The following KCNK10 variants were observed in gnomAD, a reference collection of about 807,000 sequenced individuals.
The protein encoded by KCNK10 is potassium channel subfamily K member 10.
Under a neutral mutation model 47.7 loss-of-function variants are expected in KCNK10, and 25 were observed. The observed-to-expected ratio is 0.52, with a 90% CI of 0.38 to 0.73. KCNK10 has a LOEUF of 0.73. Ranked by LOEUF, KCNK10 falls within the 30% of genes least tolerant of loss-of-function variation. The pLI is 0.00. For synonymous variants in KCNK10, 303 were observed against 285.6 expected (o/e 1.06, Z -0.61); for missense variants, 563 against 714.5 (o/e 0.79, Z 2.42).
intron 3 of KCNK10, among the ~76,000 whole-genome samples, chr14:88,228,211 T>A (rs1240724877): frequency 6.6e-6 from 1 of 152,186 alleles, no homozygotes; most frequent in Non-Finnish European, 1.5e-5. Context: ...CCTCTTGCAT[T>A]GAGGGTAATA....
At chr14:88,302,647 T>C (rs1888126664) in intron 1 of KCNK10, among the ~76,000 whole-genome samples, 2 of 152,054 alleles carry the variant, frequency 1.3e-5, no homozygotes, top group African/African-American at 2.4e-5. Flanking sequence ...GAGGCAGAGG[T>C]TGCAGTGAAT....
At chr14:88,267,179 C>T (rs772146353) in intron 1 of KCNK10, among the ~76,000 whole-genome samples, 44 of 152,274 alleles carry the variant, frequency 2.9e-4, no homozygotes, top group Non-Finnish European at 2.8e-4. Flanking sequence ...AGCAAATGAG[C>T]AGCCCTGGTC....
intron 4 of KCNK10, among the ~76,000 whole-genome samples, chr14:88,197,805 C>T (rs1884967365): frequency 1.5e-5 from 2 of 135,620 alleles, no homozygotes; most frequent in African/African-American, 5.7e-5. Flanking sequence ...CATGGCAGTT[C>T]GAGGGAAGGA....
chr14:88,314,102 G>A (rs1888380645), intron 1 of KCNK10, among the ~76,000 whole-genome samples: 1 of 152,216 alleles, frequency 6.6e-6, no homozygotes, highest in Non-Finnish European at 1.5e-5. Flanking sequence ...AAGGTTAGGT[G>A]ACTTGGCCAA....
chr14:88,215,555 T>C (rs1885592290), intron 4 of KCNK10, among the ~76,000 whole-genome samples: 1 of 152,200 alleles, frequency 6.6e-6, no homozygotes, highest in Admixed American at 6.5e-5. Context: ...CAGTGACTTA[T>C]ATCTAGGCTT....
intron 1 of KCNK10, among the ~76,000 whole-genome samples, chr14:88,304,594 G>A (rs376200125): frequency 1.3e-5 from 2 of 152,168 alleles, no homozygotes; most frequent in African/African-American, 2.4e-5. Context: ...TTGTTCGAGC[G>A]CTCATGCTGT....
At chr14:88,258,285 TGA>T (rs1442842689) in intron 2 of KCNK10, among the ~76,000 whole-genome samples, 2 of 150,156 alleles carry the variant, frequency 1.3e-5, no homozygotes, top group South Asian at 4.2e-4. Flanking sequence ...TTGCTTATGG[TGA>T]GTCTTTTTTT....
At chr14:88,241,183 G>C (rs995387358) in intron 2 of KCNK10, among the ~76,000 whole-genome samples, 1 of 152,230 alleles carries the variant, frequency 6.6e-6, no homozygotes, top group African/African-American at 2.4e-5. Flanking sequence ...TTTCCGCAAG[G>C]CAGGATTTTG....
At chr14:88,235,381 G>A in intron 3 of KCNK10, 1 of 368,364 alleles carries the variant, frequency 2.7e-6, no homozygotes. Flanking sequence ...TGGATGGAAA[G>A]AGGCTCACCA....
intron 3 of KCNK10, among the ~76,000 whole-genome samples, chr14:88,234,017 C>A (rs762178366): frequency 6.6e-6 from 1 of 152,216 alleles, no homozygotes; most frequent in Middle Eastern, 3.2e-3. Flanking sequence ...GATCCTCCTA[C>A]AATGCGTGAC....
rs568680701 is a variant in KCNK10, at chr14:88,185,309, A to C, written c.*226T>G. 175 of 590,884 alleles carry C rather than the reference A, an allele frequency of 3.0e-4. No homozygotes were observed. The highest frequency in any genetic ancestry group is 2.1e-3 in the East Asian group (62 of 30,194). The allele number at this position is 590,884 out of a possible 1,614,324, so 36.6% of individuals were successfully genotyped here. A position where few individuals can be genotyped will look rare whatever the true frequency, so the allele number is the denominator to read the frequency against. On this transcript the variant is annotated 3_prime_UTR_variant, in exon 7 of 7. Transcript: ENST00000319231. This position sits in a 1 kb window ranked among gnomAD's most constrained non-coding sequence, Gnocchi z 4.3. ...CGGCCAGAACCGGCTACGTGCACGG[A>C]CACTCTTGGTGTGTCCTGCGTTTGC...
At chr14:88,320,330 CTG>C (rs1888520123) in intron 1 of KCNK10, among the ~76,000 whole-genome samples, 1 of 152,144 alleles carries the variant, frequency 6.6e-6, no homozygotes, top group Admixed American at 6.5e-5. Context: ...CTTTTCTTCA[CTG>C]TGTCAGGCTG....
At chr14:88,305,343 T>C (rs1888183814) in intron 1 of KCNK10, among the ~76,000 whole-genome samples, 1 of 152,188 alleles carries the variant, frequency 6.6e-6, no homozygotes, top group African/African-American at 2.4e-5. Context: ...AGAATTACCA[T>C]AAATGATGAG....
chr14:88,188,442 T>C (rs1441481577), intron 5 of KCNK10, among the ~76,000 whole-genome samples: 1 of 152,234 alleles, frequency 6.6e-6, no homozygotes, highest in Non-Finnish European at 1.5e-5. Flanking sequence ...AGATCAGGCC[T>C]GGTTGTCATT....
chr14:88,227,382 A>C lies in KCNK10; in HGVS notation c.674T>G (p.Val225Gly). 6.2e-7 allele frequency: 1 copy of C among 1,609,410 alleles called. No individual in the cohort carries two copies. The highest frequency in any genetic ancestry group is 8.5e-7 in the Non-Finnish European group (1 of 1,178,462). ...FGKSIARVEK[V>G]FRKKQVSQTK... ...ATATGACACAGTACTCACTCGAAAG[A>C]CCTTCTCCACTCTTGCAATGCTTTT... The change falls in exon 4 of 7, where the codon GTC (valine) becomes GGC (glycine). Residue 225 changes from valine to glycine, a missense_variant. Physicochemically the swap from Val to Gly is moderately radical, Grantham distance 109 (BLOSUM62 -3). Transcript: ENST00000319231.
At chr14:88,202,283 C>A (rs988848632) in intron 4 of KCNK10, among the ~76,000 whole-genome samples, 2 of 152,198 alleles carry the variant, frequency 1.3e-5, no homozygotes, top group African/African-American at 4.8e-5. Context: ...CCAAACAGAG[C>A]TAATGTGATC....
chr14:88,196,268 C>T (rs1884910502), intron 4 of KCNK10, among the ~76,000 whole-genome samples: 2 of 152,250 alleles, frequency 1.3e-5, no homozygotes, highest in South Asian at 4.1e-4. Context: ...TGCAATTGTT[C>T]CAAAGACCAA....
intron 4 of KCNK10, among the ~76,000 whole-genome samples, chr14:88,215,739 G>C (rs1048375416): frequency 6.6e-6 from 1 of 152,108 alleles, no homozygotes; most frequent in Non-Finnish European, 1.5e-5. Flanking sequence ...TTGCCGGGGG[G>C]AAAAGAGAGA....
chr14:88,199,395 G>C (rs1405925587), intron 4 of KCNK10, among the ~76,000 whole-genome samples: 3 of 152,158 alleles, frequency 2.0e-5, no homozygotes, highest in African/African-American at 7.2e-5. Context: ...AGTAGGGTGA[G>C]ATTACAGTGG....
Sources: gnomAD v4.1 joint callset for allele counts (sites outside exome capture counted in the v4.1 genomes callset) on GRCh38, gnomAD v4.1.1 for gene constraint, Gnocchi (gnomAD v3.1) non-coding constraint, MANE v1.5 for transcripts, NCBI Gene and HGNC (gene_info 2026-07-23, HGNC 2026-07-21) for gene names.